ABCB6: variants seen among roughly 807,000 people sequenced by gnomAD.
ABCB6 encodes ATP-binding cassette sub-family B member 6.
A neutral mutation model predicts 99.4 loss-of-function variants in ABCB6; 87 were observed. That is an observed-to-expected ratio of 0.88 (90% CI 0.74 to 1.05). The LOEUF (loss-of-function observed/expected upper bound fraction) is 1.05, where lower values mean the gene tolerates loss of function less well. ABCB6 is among the 50% of genes least tolerant of loss of function. The pLI is 0.00. For missense variants in ABCB6, 1,050 were observed against 1,097.9 expected, an observed-to-expected ratio of 0.96 and a Z score of 0.62; for synonymous variants, 482 against 447.5, an observed-to-expected ratio of 1.08 and a Z score of -0.97.
intron 9 of ABCB6, 79 bp downstream of exon 9, chr2:219,213,747 G>C (rs1172441118): frequency 6.2e-7 from 1 of 1,613,472 alleles, no homozygotes; most frequent in Non-Finnish European, 8.5e-7. Context: ...ACTTCCTACC[G>C]AAGAGCCTGG....
intron 8 of ABCB6, 54 bp from the exon 9 acceptor site, chr2:219,214,005 A>G: frequency 6.2e-7 from 1 of 1,612,540 alleles, no homozygotes; most frequent in Non-Finnish European, 8.5e-7. Context: ...GCCATCAGTG[A>G]GTCCAAACCT....
At position 219,211,002 on chromosome 2, in the gene ABCB6, C is replaced by A; in HGVS notation, c.2075G>T (p.Gly692Val). Residue 692 changes from glycine (G) to valine (V), a missense_variant, in exon 15 of 19, where the codon GGG (glycine) becomes GTG (valine). Gly to Val is a moderately radical substitution (Grantham distance 109, BLOSUM62 -3). Coordinates refer to ENST00000265316, the MANE Select transcript of ABCB6 (RefSeq NM_005689.4). ...DNIRYGRVTA[G>V]NDEVEAAAQA... ...AGCAGCAGCCTCCACCTCATCATTC[C>A]CAGCTGTGACACGGCCGTAACGGAT... is the stretch of plus-strand genomic sequence containing the variant. 6.2e-7 allele frequency: 1 copy of A among 1,614,186 alleles called. No individual in the cohort carries two copies. Among genetic ancestry groups the A allele is most frequent in the Non-Finnish European group, 8.5e-7 (1 of 1,180,034 alleles).
rs775702828 is a variant in ABCB6, at chr2:219,213,817, C to T, written c.1578+9G>A. 1.2e-6 allele frequency: 2 copies of T among 1,614,076 alleles called. No individual in the cohort carries two copies. The highest frequency in any genetic ancestry group is 1.7e-6 in the Non-Finnish European group (2 of 1,180,018). ...GTGCCCCACTCTCTCATCCAAGATC[C>T]TGCCTCACCTGTAGCTTCTGCTCAG... On this transcript the variant is annotated intron_variant, in intron 9 of 18. Coordinates refer to ENST00000265316, the MANE Select transcript of ABCB6 (RefSeq NM_005689.4).
chr2:219,210,077 C>T (rs1376125932), intron 18 of ABCB6, 31 bp from the exon 19 acceptor site: 3 of 1,609,618 alleles, frequency 1.9e-6, no homozygotes, highest in Admixed American at 1.7e-5. Flanking sequence ...TGAGTCCTAA[C>T]CATTAGTTTT....
rs372899405 is a variant in ABCB6 at position 219,209,955 on chromosome 2, G to A, written c.2512C>T (p.Gln838Ter). Residue 838 changes from glutamine (Q) to a stop codon, truncating the protein, a stop_gained, in exon 19 of 19, where the codon CAG (glutamine) becomes TAG (stop). Coordinates refer to ENST00000265316, the MANE Select transcript of ABCB6 (RefSeq NM_005689.4). LOFTEE classifies it high-confidence loss of function. ...QEETSEDTKP[Q>*]TMER ...AACTTTTGTCACCGTTCCATGGTCT[G>A]AGGCTTAGTGTCTTCAGAGGTTTCT... The A allele has an allele frequency of 4.8e-5, 77 of 1,614,178 alleles. No homozygotes were observed. The African/African-American group carries it at 9.9e-4, about 21-fold the overall frequency.
Position 219,216,672 on chromosome 2 carries a change from G to A in ABCB6, c.848C>T (p.Pro283Leu), listed in dbSNP as rs1361151982. The change falls in exon 3 of 19, where the codon CCT becomes CTT. Residue 283 changes from proline to leucine, a missense_variant. Pro to Leu is a moderately conservative substitution (Grantham distance 98, BLOSUM62 -3). Transcript: ENST00000265316. The surrounding 1 kb of genome is among the most constrained non-coding windows in gnomAD (Gnocchi z 4.2). ...CTCACCAATGTTCCTATAGAATATA[G>A]GCACCAACACATTGAGTGCCCGTTC... ...GLERALNVLV[P>L]IFYRNIVNLL... The A allele has an allele frequency of 1.3e-6, 2 of 1,565,372 alleles. No homozygotes were observed. Among genetic ancestry groups the A allele is most frequent in the South Asian group, 1.2e-5 (1 of 85,702 alleles).
rs1950679306 is a variant in ABCB6 at position 219,218,556 on chromosome 2, C to T, written c.118G>A (p.Gly40Arg). The T allele has an allele frequency of 1.2e-6, 2 of 1,612,536 alleles. No individual in the cohort carries two copies. Among genetic ancestry groups the T allele is most frequent in the Non-Finnish European group, 1.7e-6 (2 of 1,179,766 alleles). Reference protein sequence around the residue: ...TLVPSTRMALGTLALVLALPC... With the variant: ...TLVPSTRMALRTLALVLALPC... ...AGAGCCAGCACCAAGGCCAGAGTCC[C>T]CAGAGCCATCCGCGTCGAGGGCACG... Residue 40 changes from glycine to arginine, a missense_variant, in exon 1 of 19, where the codon GGG becomes AGG. Coordinates refer to ENST00000265316, the MANE Select transcript of ABCB6 (RefSeq NM_005689.4).
Position 219,218,187 on chromosome 2 carries a change from A to T in ABCB6, c.487T>A (p.Leu163Met). 1 of 1,613,772 alleles carries T rather than the reference A, an allele frequency of 6.2e-7. No individual in the cohort carries two copies. The highest frequency in any genetic ancestry group is 8.5e-7 in the Non-Finnish European group (1 of 1,179,980). ...LWTVAFAAEN[L>M]ALVSWNSPQW... ...GGGCTGTTCCAAGACACCAGGGCCA[A>T]GTTCTCAGCTGCAAACGCCACAGTC... Residue 163 changes from leucine to methionine, a missense_variant, in exon 1 of 19, where the codon TTG becomes ATG. Transcript: ENST00000265316.
Position 219,210,783 on chromosome 2 carries a change from G to A in ABCB6, c.2184C>T (p.Ser728=), listed in dbSNP as rs759130968. The A allele has an allele frequency of 1.7e-5, 27 of 1,613,630 alleles. No individual in the cohort carries two copies. Among genetic ancestry groups the A allele is most frequent in the East Asian group, 6.7e-5 (3 of 44,878 alleles). The change falls in exon 16 of 19, where the codon AGC becomes AGT. Residue 728 remains serine (S), a synonymous_variant. Coordinates refer to ENST00000265316, the MANE Select transcript of ABCB6 (RefSeq NM_005689.4). ...TGGCGACGCGCTGCTTCTCCCCGCCGCTCAGCTTCAGTCCCCGCTCGCCCA... is the reference window on the plus strand; with the variant it reads ...TGGCGACGCGCTGCTTCTCCCCGCCACTCAGCTTCAGTCCCCGCTCGCCCA... ...TQVGERGLKL[S]GGEKQRVAIA...
In ABCB6 at chr2:219,216,213, C is replaced by A. The variant is rs748203721; in HGVS notation, c.971-33G>T. The A allele has an allele frequency of 3.8e-6, 6 of 1,570,796 alleles. No homozygotes were observed. In the African/African-American group the frequency reaches 5.4e-5, roughly 14 times the overall value. On this transcript the variant is annotated intron_variant, in intron 4 of 18. Coordinates refer to ENST00000265316, the MANE Select transcript of ABCB6 (RefSeq NM_005689.4). The surrounding 1 kb of genome is among the most constrained non-coding windows in gnomAD (Gnocchi z 4.2). ...GAGCCGGGGGACGCCTCAGTAGGGC[C>A]TGGGAGCTGAGGGACGTCAGCCCAG...
Position 219,213,827 on chromosome 2 carries a change from T to C in ABCB6, c.1577A>G (p.Gln526Arg). ...CAYFVTEQKL[Q>R]VGDYVLFGTY... ...CTCTCATCCAAGATCCTGCCTCACC[T>C]GTAGCTTCTGCTCAGTGACAAAGTA... Residue 526 changes from glutamine (Q) to arginine (R), a missense_variant and splice_region_variant, in exon 9 of 19, where the codon CAG becomes CGG. Coordinates refer to ENST00000265316, the MANE Select transcript of ABCB6 (RefSeq NM_005689.4). 6.2e-7 allele frequency: 1 copy of C among 1,614,060 alleles called. No individual in the cohort carries two copies. The highest frequency in any genetic ancestry group is 8.5e-7 in the Non-Finnish European group (1 of 1,180,014).
Position 219,218,771 on chromosome 2 carries a change from T to A in ABCB6, c.-98A>T. The A allele has an allele frequency of 7.5e-7, 1 of 1,332,996 alleles. No homozygotes were observed. Among genetic ancestry groups the A allele is most frequent in the Non-Finnish European group, 9.9e-7 (1 of 1,005,190 alleles). The allele number at this position is 1,332,996 out of a possible 1,614,324, so 82.6% of individuals were successfully genotyped here. A position where few individuals can be genotyped will look rare whatever the true frequency, so the allele number is the denominator to read the frequency against. On this transcript the variant is annotated 5_prime_UTR_variant, in exon 1 of 19. Transcript: ENST00000265316. The stretch of plus-strand genomic sequence containing the variant: ...GGCGCGGACATCCGGGTGCCTTGGC[T>A]CACGTAGCCGCTGGGCGCCAAGCTG...
intron 1 of ABCB6, 73 bp from the exon 2 acceptor site, chr2:219,217,880 C>T (rs575458079): frequency 1.4e-5 from 21 of 1,517,168 alleles, no homozygotes; most frequent in Non-Finnish European, 1.7e-5. Flanking sequence ...ATAATAGGGC[C>T]GGGGACTGGT....
Position 219,210,279 on chromosome 2 carries a change from C to G in ABCB6, c.2371G>C (p.Ala791Pro). The G allele has an allele frequency of 6.2e-7, 1 of 1,614,226 alleles. No homozygotes were observed. The highest frequency in any genetic ancestry group is 1.1e-5 in the South Asian group (1 of 91,082). The stretch of plus-strand genomic sequence containing the variant: ...TCCTTGATGACGAGGATCTGGTCAG[C>G]ATTGACCACAGTTGAGAGCCTGAGA... The part of the protein sequence containing the change: ...VAHRLSTVVN[A>P]DQILVIKDGC... Residue 791 changes from alanine to proline, a missense_variant, in exon 18 of 19, where the codon GCT (alanine) becomes CCT (proline). By Grantham distance (27) the Ala-to-Pro change is conservative (BLOSUM62 -1). Transcript: ENST00000265316.
In ABCB6 at chr2:219,217,728, C is replaced by T. The variant is rs552667888; in HGVS notation, c.629G>A (p.Arg210His). The T allele has an allele frequency of 2.0e-5, 32 of 1,614,006 alleles. No homozygotes were observed. Among genetic ancestry groups the T allele is most frequent in the Admixed American group, 3.3e-5 (2 of 60,006 alleles). The stretch of plus-strand genomic sequence containing the variant: ...AACCTGCAATGTATAGGACTGGGGA[C>T]GAAGTCCAGGGGCCCAGAGACCCAG... ...FVLGLWAPGL[R>H]PQSYTLQVHE... The change falls in exon 2 of 19, where the codon CGT becomes CAT. Residue 210 changes from arginine to histidine, a missense_variant. Transcript: ENST00000265316.
chr2:219,217,306 G>C (rs1020521384), intron 2 of ABCB6, among the ~76,000 whole-genome samples: 2 of 149,260 alleles, frequency 1.3e-5, no homozygotes, highest in Non-Finnish European at 3.0e-5. Context: ...AGCTGAGATC[G>C]CGCCACTACA....
At chr2:219,214,823 C>A (rs916749888) in intron 6 of ABCB6, 138 bp downstream of exon 6, 36 of 972,494 alleles carry the variant, frequency 3.7e-5, no homozygotes, top group Non-Finnish European at 5.5e-5. Flanking sequence ...CCGCCCATCA[C>A]ATGACGAGCA....
In ABCB6 at chr2:219,216,912, A is replaced by G. The variant is rs769847468; in HGVS notation, c.688-80T>C. On this transcript the variant is annotated intron_variant, in intron 2 of 18. Transcript: ENST00000265316. This position sits in a 1 kb window ranked among gnomAD's most constrained non-coding sequence, Gnocchi z 4.2. Reference sequence around the variant, plus strand: ...CCAGAAACCCTTCAGGGAAAAACCTATGGGGTTACAGCTCCCAGGTATCTC... The same window carrying G: ...CCAGAAACCCTTCAGGGAAAAACCTGTGGGGTTACAGCTCCCAGGTATCTC... 1.3e-4 allele frequency: 168 copies of G among 1,320,274 alleles called. No homozygotes were observed. Among genetic ancestry groups the G allele is most frequent in the Non-Finnish European group, 1.6e-4 (160 of 977,488 alleles). The allele number at this position is 1,320,274 out of a possible 1,614,324, so 81.8% of individuals were successfully genotyped here. A position where few individuals can be genotyped will look rare whatever the true frequency, so the allele number is the denominator to read the frequency against.
chr2:219,211,099 C>T lies in ABCB6; in HGVS notation c.1978G>A (p.Ala660Thr), dbSNP rs1253430525. ...DGQDISQVTQ[A>T]SLRSHIGVVP... ...ACTCCAATGTGAGACCGGAGAGAGG[C>T]CTGGGTCACCTAGGGCCAAAAGACC... is the stretch of plus-strand genomic sequence containing the variant. The change falls in exon 15 of 19, where the codon GCC becomes ACC. Residue 660 changes from alanine (A) to threonine (T), a missense_variant. By Grantham distance (58) the Ala-to-Thr change is moderately conservative (BLOSUM62 0). Transcript: ENST00000265316. 1 of 1,613,936 alleles carries T rather than the reference C, an allele frequency of 6.2e-7. No homozygotes were observed. Among genetic ancestry groups the T allele is most frequent in the Non-Finnish European group, 8.5e-7 (1 of 1,180,010 alleles).
Sources: gnomAD v4.1 joint callset for allele counts (sites outside exome capture counted in the v4.1 genomes callset) on GRCh38, gnomAD v4.1.1 for gene constraint, Gnocchi (gnomAD v3.1) non-coding constraint, MANE v1.5 for transcripts, NCBI Gene and HGNC (gene_info 2026-07-23, HGNC 2026-07-21) for gene names.